The following AKR1B1 variants were observed in gnomAD, a reference collection of about 807,000 sequenced individuals.
AKR1B1 encodes the protein aldo-keto reductase family 1 member B, also known as aldo-keto reductase family 1 member B1.
A neutral mutation model predicts 40.4 loss-of-function variants in AKR1B1; 22 were observed. The ratio of observed to expected loss-of-function variants is 0.54; its 90% CI spans 0.39 to 0.78. AKR1B1 has a LOEUF of 0.78. Ranked by LOEUF, AKR1B1 falls within the 30% of genes least tolerant of loss-of-function variation. AKR1B1 has a pLI of 0.00. For synonymous variants in AKR1B1, 157 were observed against 149.9 expected, an observed-to-expected ratio of 1.05 and a Z score of -0.35; for missense variants, 357 against 396.7, an observed-to-expected ratio of 0.90 and a Z score of 0.85.
At chr7:134,443,988 C>T (rs1433510235) in intron 9 of AKR1B1, among the ~76,000 whole-genome samples, 1 of 152,142 alleles carries the variant, frequency 6.6e-6, no homozygotes, top group Non-Finnish European at 1.5e-5. Context: ...TACTGGAGGG[C>T]AGAGGAGCCT....
At chr7:134,458,323 G>A (rs139866836) in intron 1 of AKR1B1, among the ~76,000 whole-genome samples, 15 of 152,156 alleles carry the variant, frequency 9.9e-5, no homozygotes, top group Non-Finnish European at 1.8e-4. Context: ...TAGCTACGGG[G>A]TGCCCAGATT....
At position 134,450,843 on chromosome 7, in the gene AKR1B1, G is replaced by T; in HGVS notation, c.294C>A (p.Ser98Arg). 1.2e-6 allele frequency: 2 copies of T among 1,614,170 alleles called. No individual in the cohort carries two copies. Among genetic ancestry groups the T allele is most frequent in the Non-Finnish European group, 1.7e-6 (2 of 1,180,032 alleles). ...GGTCCAGGTAGTCCAGCTTCAGGTCGCTGAGTGTCTTCTGGCAGGCTCCTT... is the reference window on the plus strand; with the variant it reads ...GGTCCAGGTAGTCCAGCTTCAGGTCTCTGAGTGTCTTCTGGCAGGCTCCTT... ...LVKGACQKTL[S>R]DLKLDYLDLY... The change falls in exon 3 of 10, where the codon AGC (serine) becomes AGA (arginine). Residue 98 changes from serine (S) to arginine (R), a missense_variant. Ser to Arg is a moderately radical substitution (Grantham distance 110). Transcript: ENST00000285930.
In AKR1B1 at chr7:134,448,984, G is replaced by A; in HGVS notation, c.552+13C>T. ...GCAACGTTGCAATGCCAGTGTCGTT[G>A]GGGGATGTTTACCTGGTTAACTGCA... On this transcript the variant is annotated intron_variant, in intron 5 of 9. Transcript: ENST00000285930. 6.2e-7 allele frequency: 1 copy of A among 1,613,948 alleles called. No homozygotes were observed. Among genetic ancestry groups the A allele is most frequent in the Non-Finnish European group, 8.5e-7 (1 of 1,179,936 alleles).
At chr7:134,448,891 A>T in intron 5 of AKR1B1, 106 bp downstream of exon 5, 1 of 1,393,916 alleles carries the variant, frequency 7.2e-7, no homozygotes, top group Non-Finnish European at 1.0e-6. Context: ...AACACCCAGG[A>T]GCTGCCTCCT....
At position 134,450,786 on chromosome 7, in the gene AKR1B1, C is replaced by T; in HGVS notation, c.351G>A (p.Lys117=). ...LYLIHWPTGF[K]PGKEFFPLDE... ...CTGGTCTGCACCAGGCATCCCATACCTTAAAGCCAGTCGGCCAGTGAATAA... is the reference window on the plus strand; with the variant it reads ...CTGGTCTGCACCAGGCATCCCATACTTTAAAGCCAGTCGGCCAGTGAATAA... The change falls in exon 3 of 10, where the codon AAG becomes AAA. Residue 117 remains lysine (K), a splice_region_variant and synonymous_variant. Coordinates refer to ENST00000285930, the MANE Select transcript of AKR1B1 (RefSeq NM_001628.4). 6.2e-7 allele frequency: 1 copy of T among 1,613,506 alleles called. No individual in the cohort carries two copies. Among genetic ancestry groups the T allele is most frequent in the South Asian group, 1.1e-5 (1 of 91,070 alleles).
At chr7:134,451,428 C>T in intron 2 of AKR1B1, 158 bp downstream of exon 2, 1 of 886,160 alleles carries the variant, frequency 1.1e-6, no homozygotes, top group South Asian at 1.4e-5. Context: ...GATGGGCGAG[C>T]TCTGGAGCCC....
intron 1 of AKR1B1, among the ~76,000 whole-genome samples, chr7:134,453,629 A>T (rs1320350041): frequency 2.0e-5 from 3 of 152,116 alleles, no homozygotes; most frequent in Non-Finnish European, 4.4e-5. Context: ...TTGGCACGAC[A>T]TGAAAAAAAA....
chr7:134,448,314 G>A, intron 6 of AKR1B1, 73 bp downstream of exon 6: 1 of 1,353,860 alleles, frequency 7.4e-7, no homozygotes, highest in South Asian at 1.2e-5. Context: ...CTTCCTTGAG[G>A]CTGAATTGTT....
chr7:134,443,784 T>C (rs1419129904), intron 9 of AKR1B1, among the ~76,000 whole-genome samples: 1 of 152,086 alleles, frequency 6.6e-6, no homozygotes, highest in Non-Finnish European at 1.5e-5. Context: ...AAGTTCTCCA[T>C]GGTCTGCCTT....
intron 6 of AKR1B1, 94 bp from the exon 7 acceptor site, chr7:134,448,155 G>A: frequency 9.0e-7 from 1 of 1,106,708 alleles, no homozygotes; most frequent in East Asian, 2.5e-5. Context: ...GACCTCAGAG[G>A]GCAGCCACCA....
chr7:134,451,767 G>C lies in AKR1B1; in HGVS notation c.67-14C>G, dbSNP rs760907726. The C allele has an allele frequency of 6.2e-6, 10 of 1,613,730 alleles. No homozygotes were observed. The highest frequency in any genetic ancestry group is 6.8e-6 in the Non-Finnish European group (8 of 1,179,856). On this transcript the variant is annotated splice_polypyrimidine_tract_variant and intron_variant, in intron 1 of 9. Coordinates refer to ENST00000285930, the MANE Select transcript of AKR1B1 (RefSeq NM_001628.4). ...CCCTGGAGGGGACTGAAAGGAGAAA[G>C]AACGTGAGCCCCGCAGAATGCAGAG...
At chr7:134,444,860 C>G in intron 9 of AKR1B1, 1 of 349,822 alleles carries the variant, frequency 2.9e-6, no homozygotes, top group South Asian at 2.7e-5. Context: ...GACCAAACCC[C>G]TTTCATTAGG....
chr7:134,452,113 C>T (rs1022925492), intron 1 of AKR1B1, among the ~76,000 whole-genome samples: 1 of 152,188 alleles, frequency 6.6e-6, no homozygotes, highest in Non-Finnish European at 1.5e-5. Context: ...TAAGGGAAAC[C>T]ATTTCCTTCA....
In AKR1B1 at chr7:134,445,297, G is replaced by A. The variant is rs995091941; in HGVS notation, c.849C>T (p.Ser283=). Residue 283 remains serine, a synonymous_variant, in exon 9 of 10, where the codon AGC becomes AGT. Coordinates refer to ENST00000285930, the MANE Select transcript of AKR1B1 (RefSeq NM_001628.4). ...AGCTGAGTAAGGTGGTCATATCCTG[G>A]CTGCTCAGTTCAAAGTCAAAGACCT... ...NFKVFDFELS[S]QDMTTLLSYN... 3.7e-6 allele frequency: 6 copies of A among 1,612,980 alleles called. No individual in the cohort carries two copies. In the African/African-American group the frequency reaches 6.7e-5, roughly 18 times the overall value.
chr7:134,451,801 G>T (rs150638995), intron 1 of AKR1B1, 48 bp from the exon 2 acceptor site: 2 of 1,596,518 alleles, frequency 1.3e-6, no homozygotes, highest in Non-Finnish European at 1.7e-6. Context: ...AGTCTGCACA[G>T]CAAGGAGGAG....
At position 134,451,674 on chromosome 7, in the gene AKR1B1, T is replaced by C; in HGVS notation, c.146A>G (p.Tyr49Cys). 6.2e-7 allele frequency: 1 copy of C among 1,614,152 alleles called. No homozygotes were observed. The highest frequency in any genetic ancestry group is 1.1e-5 in the South Asian group (1 of 91,074). ...CACCCCCACCTCATTCTCATTCTGG[T>C]ACACATGGGCACAGTCGATGTGGCG... Reference protein sequence around the residue: ...GYRHIDCAHVYQNENEVGVAI... With the variant: ...GYRHIDCAHVCQNENEVGVAI... The change falls in exon 2 of 10, where the codon TAC (tyrosine) becomes TGC (cysteine). Residue 49 changes from tyrosine (Y) to cysteine (C), a missense_variant. Transcript: ENST00000285930.
chr7:134,449,319 G>A (rs567529353), intron 4 of AKR1B1, 200 bp from the exon 5 acceptor site: 12 of 707,670 alleles, frequency 1.7e-5, no homozygotes, highest in Admixed American at 8.8e-5. Flanking sequence ...GGGCGCGGTG[G>A]CTCACGCCTG....
rs372500082 is a variant in AKR1B1, at chr7:134,447,166, C to T, written c.825+132G>A. The T allele has an allele frequency of 1.5e-4, 128 of 872,188 alleles. 2 individuals are homozygous for T. The East Asian group carries it at 1.9e-3, about 13-fold the overall frequency. The allele number at this position is 872,188 out of a possible 1,614,324, so 54.0% of individuals were successfully genotyped here. A position where few individuals can be genotyped will look rare whatever the true frequency, so the allele number is the denominator to read the frequency against. ...GTGTCAGTCTCAGTCTTGGCTTGCT[C>T]GCCACAGCTCCCTGGCCTCAGAAGA... On this transcript the variant is annotated intron_variant, in intron 8 of 9. Coordinates refer to ENST00000285930, the MANE Select transcript of AKR1B1 (RefSeq NM_001628.4).
Position 134,442,456 on chromosome 7 carries a change from G to C in AKR1B1, c.*272C>G. ...ACCGTTAGTGGCACTATTTTGACCT[G>C]GTAGATTTTGCTTCTCTTTGGTCAG... On this transcript the variant is annotated 3_prime_UTR_variant, in exon 10 of 10. Coordinates refer to ENST00000285930, the MANE Select transcript of AKR1B1 (RefSeq NM_001628.4). 3 of 388,250 alleles carry C rather than the reference G, an allele frequency of 7.7e-6. No homozygotes were observed. Among genetic ancestry groups the C allele is most frequent in the Non-Finnish European group, 1.4e-5 (3 of 213,210 alleles). The allele number at this position is 388,250 out of a possible 1,614,324, so 24.1% of individuals were successfully genotyped here. A position where few individuals can be genotyped will look rare whatever the true frequency, so the allele number is the denominator to read the frequency against.
Sources: gnomAD v4.1 joint callset for allele counts (sites outside exome capture counted in the v4.1 genomes callset) on GRCh38, gnomAD v4.1.1 for gene constraint, MANE v1.5 for transcripts, NCBI Gene and HGNC (gene_info 2026-07-23, HGNC 2026-07-21) for gene names.